The following ZGRF1 variants were observed in gnomAD, a reference collection of about 807,000 sequenced individuals.
ZGRF1 encodes zinc finger GRF-type containing 1, also known as 5'-3' DNA helicase ZGRF1.
A neutral mutation model predicts 203.5 loss-of-function variants in ZGRF1; 196 were observed. That is an observed-to-expected ratio of 0.96 (90% confidence interval 0.86 to 1.08). ZGRF1 has a LOEUF of 1.08. Ranked by LOEUF, ZGRF1 falls within the 50% of genes least tolerant of loss-of-function variation. ZGRF1 has a pLI of 0.00. For missense variants in ZGRF1, 2,326 were observed against 2,416.3 expected (o/e 0.96, Z 0.78); for synonymous variants, 809 against 841.3 (o/e 0.96, Z 0.66).
intron 6 of ZGRF1, among the ~76,000 whole-genome samples, chr4:112,614,277 T>G (rs942819785): frequency 6.6e-6 from 1 of 152,164 alleles, no homozygotes; most frequent in Non-Finnish European, 1.5e-5. Flanking sequence ...AAAAGCAAAT[T>G]TAGTCGATCA....
At chr4:112,614,465 C>T (rs1414466201) in intron 6 of ZGRF1, among the ~76,000 whole-genome samples, 1 of 152,156 alleles carries the variant, frequency 6.6e-6, no homozygotes, top group Non-Finnish European at 1.5e-5. Flanking sequence ...AAACAATTAT[C>T]TTTTTCATGG....
At chr4:112,617,121 T>C (rs2046903706) in intron 6 of ZGRF1, among the ~76,000 whole-genome samples, 3 of 152,204 alleles carry the variant, frequency 2.0e-5, no homozygotes, top group Middle Eastern at 3.4e-3. Flanking sequence ...TACACACACA[T>C]ACATACATAT....
intron 24 of ZGRF1, among the ~76,000 whole-genome samples, chr4:112,543,220 C>G (rs1294873677): frequency 6.6e-6 from 1 of 151,986 alleles, no homozygotes; most frequent in African/African-American, 2.4e-5. Context: ...AGCTAAAGAT[C>G]CCCCTTCATT....
chr4:112,560,588 T>C, intron 19 of ZGRF1, 145 bp downstream of exon 19: 1 of 656,706 alleles, frequency 1.5e-6, no homozygotes, highest in Non-Finnish European at 2.6e-6. Context: ...CATCTAACAG[T>C]TTACCAAAGT....
chr4:112,559,729 A>G (rs904456823), intron 19 of ZGRF1, among the ~76,000 whole-genome samples: 2 of 152,184 alleles, frequency 1.3e-5, no homozygotes, highest in African/African-American at 4.8e-5. Context: ...CATTTTGCAG[A>G]GTAGGAAATT....
chr4:112,621,019 G>C (rs1056199923), intron 4 of ZGRF1, among the ~76,000 whole-genome samples: 2 of 152,108 alleles, frequency 1.3e-5, no homozygotes, highest in African/African-American at 4.8e-5. Context: ...ATGACAGAGT[G>C]AGACAATGTC....
intron 16 of ZGRF1, among the ~76,000 whole-genome samples, chr4:112,563,815 CA>C (rs1560768115): frequency 6.6e-6 from 1 of 152,144 alleles, no homozygotes; most frequent in Non-Finnish European, 1.5e-5. Context: ...GCCAGCACAG[CA>C]CCAGTGAATA....
Position 112,603,618 on chromosome 4 carries a change from C to T in ZGRF1, c.2882G>A (p.Gly961Glu). 6.2e-7 allele frequency: 1 copy of T among 1,613,876 alleles called. No homozygotes were observed. Among genetic ancestry groups the T allele is most frequent in the Non-Finnish European group, 8.5e-7 (1 of 1,179,814 alleles). The change falls in exon 10 of 28, where the codon GGA becomes GAA. Residue 961 changes from glycine (G) to glutamate (E), a missense_variant. Coordinates refer to ENST00000505019, the MANE Select transcript of ZGRF1 (RefSeq NM_018392.5). ...VMVRGHSSQL[G>E]CSQFPDSTEY... The stretch of plus-strand genomic sequence containing the variant: ...AGTGCTATCTGGAAACTGACTGCAT[C>T]CTAGCTGTGAGCTGTGTCCTCTGAC...
chr4:112,619,776 G>A, intron 5 of ZGRF1, 86 bp from the exon 6 acceptor site: 1 of 1,148,964 alleles, frequency 8.7e-7, no homozygotes, highest in Admixed American at 2.6e-5. Context: ...AAAGGAGAAG[G>A]ATTGTTTCTG....
At chr4:112,633,442 A>G (rs1051461233) in intron 1 of ZGRF1, among the ~76,000 whole-genome samples, 200 bp from the exon 2 acceptor site, 5 of 152,330 alleles carry the variant, frequency 3.3e-5, no homozygotes, top group South Asian at 2.1e-4. Context: ...GCATTTTTTC[A>G]TAAGTAAAGA....
At chr4:112,620,358 T>C (rs1240751049) in intron 4 of ZGRF1, among the ~76,000 whole-genome samples, 168 bp from the exon 5 acceptor site, 3 of 152,250 alleles carry the variant, frequency 2.0e-5, no homozygotes, top group Non-Finnish European at 4.4e-5. Context: ...TCATTAACTA[T>C]CAATAAGCAC....
At chr4:112,572,582 C>G (rs551737530) in intron 16 of ZGRF1, among the ~76,000 whole-genome samples, 1 of 152,234 alleles carries the variant, frequency 6.6e-6, no homozygotes, top group East Asian at 1.9e-4. Context: ...AGCTTCTGCA[C>G]AGCAAAATTA....
At chr4:112,600,248 G>T (rs1749729728) in intron 10 of ZGRF1, among the ~76,000 whole-genome samples, 2 of 152,042 alleles carry the variant, frequency 1.3e-5, no homozygotes, top group Admixed American at 6.6e-5. Context: ...TGCCCAGGCT[G>T]GTCTTGAATT....
At chr4:112,550,981 T>C (rs1306544667) in intron 22 of ZGRF1, among the ~76,000 whole-genome samples, 2 of 152,202 alleles carry the variant, frequency 1.3e-5, no homozygotes, top group African/African-American at 4.8e-5. Flanking sequence ...TCATGGTCAG[T>C]TAACTATAAA....
Position 112,620,183 on chromosome 4 carries a change from G to A in ZGRF1, c.170C>T (p.Pro57Leu), listed in dbSNP as rs775504533. The A allele has an allele frequency of 1.9e-6, 3 of 1,595,036 alleles. No homozygotes were observed. Among genetic ancestry groups the A allele is most frequent in the South Asian group, 1.1e-5 (1 of 87,066 alleles). ...SLFLKCLEVK[P>L]GDDLESDRYL... ...TCGATCACTTTCTAAGTCATCTCCA[G>A]GTTTCACCTGAAAGAATAAATGTCA... Residue 57 changes from proline to leucine, a missense_variant, in exon 5 of 28, where the codon CCT becomes CTT. Transcript: ENST00000505019.
Position 112,620,110 on chromosome 4 carries a change from A to C in ZGRF1, c.243T>G (p.Ile81Met). The C allele has an allele frequency of 6.2e-7, 1 of 1,613,654 alleles. No homozygotes were observed. The highest frequency in any genetic ancestry group is 8.5e-7 in the Non-Finnish European group (1 of 1,179,702). The change falls in exon 5 of 28, where the codon ATT (isoleucine) becomes ATG (methionine). Residue 81 changes from isoleucine to methionine, a missense_variant. Transcript: ENST00000505019. ...EEVKVAGAIG[I>M]VKQNVNKEAP... ...CTTCTTTATTGACATTCTGCTTAAC[A>C]ATACCTATGGCTCCAGCAACTTTAA...
chr4:112,553,749 A>G, intron 22 of ZGRF1, 86 bp downstream of exon 22: 1 of 1,230,260 alleles, frequency 8.1e-7, no homozygotes, highest in Non-Finnish European at 1.1e-6. Flanking sequence ...GTTTTATTTA[A>G]AGGAAATATT....
chr4:112,573,340 G>A (rs1298677260), intron 16 of ZGRF1, among the ~76,000 whole-genome samples: 1 of 152,090 alleles, frequency 6.6e-6, no homozygotes, highest in Non-Finnish European at 1.5e-5. Context: ...CTCATAAGTG[G>A]GAGCTAAGTT....
intron 16 of ZGRF1, among the ~76,000 whole-genome samples, chr4:112,579,440 G>A (rs1333755276): frequency 8.2e-6 from 1 of 122,066 alleles, no homozygotes; most frequent in African/African-American, 2.8e-5. Context: ...GGCAACAGAA[G>A]GAAATAAAGG....
Sources: gnomAD v4.1 joint callset for allele counts (sites outside exome capture counted in the v4.1 genomes callset) on GRCh38, gnomAD v4.1.1 for gene constraint, MANE v1.5 for transcripts, NCBI Gene and HGNC (gene_info 2026-07-23, HGNC 2026-07-21) for gene names.